LRPPRC: variants seen among roughly 807,000 people sequenced by gnomAD.
LRPPRC encodes leucine-rich PPR motif-containing protein, mitochondrial.
Under a neutral mutation model 180.3 loss-of-function variants are expected in LRPPRC, and 120 were observed. The ratio of observed to expected loss-of-function variants is 0.67; its 90% confidence interval spans 0.57 to 0.77. The LOEUF is 0.77. Among genes scored for constraint, LRPPRC ranks in the 30% least tolerant of loss-of-function variants. The probability of loss-of-function intolerance (pLI) is 0.00; values close to 1 mark genes in which losing one functional copy is unlikely to be tolerated. For synonymous variants in LRPPRC, 723 were observed against 600.0 expected (o/e 1.21, Z -3.00); for missense variants, 2,012 against 1,657.2 (o/e 1.21, Z -3.72).
intron 31 of LRPPRC, among the ~76,000 whole-genome samples, chr2:43,904,210 G>A (rs1241654983): frequency 1.6e-4 from 25 of 152,126 alleles, no homozygotes; most frequent in Non-Finnish European, 1.5e-5. Context: ...CCAAAGTGCT[G>A]GGATTACAGG....
chr2:43,924,358 A>T (rs1335492787), intron 27 of LRPPRC, among the ~76,000 whole-genome samples: 1 of 152,226 alleles, frequency 6.6e-6, no homozygotes, highest in Non-Finnish European at 1.5e-5. Flanking sequence ...AGAGATCGAA[A>T]GTTTCAGAAA....
intron 1 of LRPPRC, among the ~76,000 whole-genome samples, chr2:43,991,284 G>T (rs1379099059): frequency 6.6e-6 from 1 of 151,872 alleles, no homozygotes; most frequent in Non-Finnish European, 1.5e-5. Context: ...TGCCCGCCTC[G>T]GCCTCCCAAA....
chr2:43,972,824 C>T (rs934375888), intron 11 of LRPPRC, among the ~76,000 whole-genome samples: 1 of 152,140 alleles, frequency 6.6e-6, no homozygotes, highest in African/African-American at 2.4e-5. Context: ...ACTAACAATT[C>T]TGCATCTCAT....
chr2:43,985,242 T>C (rs756446037), intron 1 of LRPPRC, among the ~76,000 whole-genome samples: 1 of 152,182 alleles, frequency 6.6e-6, no homozygotes, highest in Non-Finnish European at 1.5e-5. Context: ...AAAATTGTAC[T>C]GAAAGAACAG....
intron 25 of LRPPRC, among the ~76,000 whole-genome samples, chr2:43,929,417 A>G (rs180994635): frequency 2.6e-4 from 39 of 152,260 alleles, no homozygotes; most frequent in African/African-American, 9.2e-4. Flanking sequence ...AAGTTTTGAT[A>G]AATGTTAACT....
chr2:43,911,470 C>T lies in LRPPRC; in HGVS notation c.3275+962G>A, dbSNP rs71420076. Among the ~76,000 whole-genome samples, 81 of 150,582 alleles carry T rather than the reference C, an allele frequency of 5.4e-4. 1 individual carries two copies. Among genetic ancestry groups the T allele is most frequent in the Non-Finnish European group, 8.6e-4 (58 of 67,742 alleles). ...GGATTCTAATATTCTAAAAGTGCTG[C>T]GGACTTAAAATTTTTTTCAGATTAT... On this transcript the variant is annotated intron_variant, in intron 30 of 37. Transcript: ENST00000260665.
In LRPPRC at chr2:43,995,801, G is replaced by A. The variant is rs2103796733; in HGVS notation, c.147C>T (p.Ala49=). The A allele has an allele frequency of 1.4e-6, 2 of 1,386,354 alleles. No homozygotes were observed. Among genetic ancestry groups the A allele is most frequent in the East Asian group, 2.9e-5 (1 of 33,920 alleles). The allele number at this position is 1,386,354 out of a possible 1,614,324, so 85.9% of individuals were successfully genotyped here. A position where few individuals can be genotyped will look rare whatever the true frequency, so the allele number is the denominator to read the frequency against. Residue 49 remains alanine (A), a splice_region_variant and synonymous_variant, in exon 1 of 38, where the codon GCC becomes GCT. Coordinates refer to ENST00000260665, the MANE Select transcript of LRPPRC (RefSeq NM_133259.4). ...YLPAARAGPV[A]GGLLSPARLY... The stretch of plus-strand genomic sequence containing the variant: ...GGAGAAAGGGCCTGGGCACTCACCC[G>A]GCCACGGGCCCGGCGCGAGCGGCGG...
At chr2:43,954,588 C>G (rs1434427791) in intron 14 of LRPPRC, among the ~76,000 whole-genome samples, 2 of 152,174 alleles carry the variant, frequency 1.3e-5, no homozygotes, top group African/African-American at 2.4e-5. Context: ...TACATACACT[C>G]TTGAAAACAG....
intron 37 of LRPPRC, 124 bp from the exon 38 acceptor site, chr2:43,888,780 C>T (rs781657194): frequency 4.9e-5 from 33 of 674,080 alleles, no homozygotes; most frequent in Non-Finnish European, 8.2e-5. Flanking sequence ...AAGATGCTGC[C>T]CCTCAAGCTT....
chr2:43,991,039 T>A (rs573312608), intron 1 of LRPPRC, among the ~76,000 whole-genome samples: 1 of 150,884 alleles, frequency 6.6e-6, no homozygotes, highest in South Asian at 2.1e-4. Flanking sequence ...TTTATTTTTT[T>A]TTTTTTTTGA....
intron 37 of LRPPRC, 74 bp from the exon 38 acceptor site, chr2:43,888,730 A>C: frequency 1.2e-6 from 1 of 817,788 alleles, no homozygotes; most frequent in East Asian, 2.5e-5. Context: ...AAAAATCATA[A>C]AACACTACCA....
At chr2:43,970,050 C>A (rs1673736212) in intron 11 of LRPPRC, among the ~76,000 whole-genome samples, 1 of 152,022 alleles carries the variant, frequency 6.6e-6, no homozygotes, top group South Asian at 2.1e-4. Context: ...AATACATAAT[C>A]CTGAAAAGTT....
At position 43,925,175 on chromosome 2, in the gene LRPPRC, G is replaced by C. The variant is rs199951523; in HGVS notation, c.2806-18C>G. 4.4e-4 allele frequency: 519 copies of C among 1,179,262 alleles called. 4 individuals carry two copies. Among genetic ancestry groups the C allele is most frequent in the South Asian group, 3.9e-3 (323 of 82,182 alleles). 73.0% of individuals were successfully genotyped at this position (1,179,262 alleles called of 1,614,324 possible). The stretch of plus-strand genomic sequence containing the variant: ...GTTTCAACCTTAAAAGTAAGATTAA[G>C]AGATAGATCTACCTTGTGTAAAGGA... On this transcript the variant is annotated intron_variant, in intron 26 of 37. Transcript: ENST00000260665.
rs866057945 is a variant in LRPPRC at position 43,960,483 on chromosome 2, C to T, written c.1582+58G>A. The T allele has an allele frequency of 1.2e-4, 108 of 938,360 alleles. No homozygotes were observed. In the Middle Eastern group the frequency reaches 4.6e-3, roughly 40 times the overall value. The allele number at this position is 938,360 out of a possible 1,614,324, so 58.1% of individuals were successfully genotyped here. A position where few individuals can be genotyped will look rare whatever the true frequency, so the allele number is the denominator to read the frequency against. ...TCATTGCGTGAACCACCCTGCATGC[C>T]CTCAATAGTAACTGAAATAAACATC... On this transcript the variant is annotated intron_variant, in intron 13 of 37. Transcript: ENST00000260665.
intron 37 of LRPPRC, 115 bp downstream of exon 37, chr2:43,889,619 T>C: frequency 1.1e-6 from 1 of 923,792 alleles, no homozygotes. Flanking sequence ...TGAGGGCTCT[T>C]CACAGAGATC....
chr2:43,958,829 C>T (rs893568370), intron 13 of LRPPRC, among the ~76,000 whole-genome samples: 4 of 152,148 alleles, frequency 2.6e-5, no homozygotes, highest in Non-Finnish European at 5.9e-5. Flanking sequence ...TAGAACGAAC[C>T]GCTCTTCAAA....
rs184405056 is a variant in LRPPRC, at chr2:43,901,851, T to G, written c.3365-327A>C. ...TCAAATGAATACAAATAAGAAAGAT[T>G]TTCTAGAGTTTCCAAAAATGTGTGA... On this transcript the variant is annotated intron_variant, in intron 31 of 37. Transcript: ENST00000260665. 401 of 246,394 alleles carry G rather than the reference T, an allele frequency of 1.6e-3. 1 individual carries two copies. The highest frequency in any genetic ancestry group is 4.4e-3 in the Middle Eastern group (3 of 678). The allele number at this position is 246,394 out of a possible 1,614,324, so 15.3% of individuals were successfully genotyped here.
chr2:43,926,997 G>C (rs1016815099), intron 25 of LRPPRC, among the ~76,000 whole-genome samples: 10 of 152,294 alleles, frequency 6.6e-5, no homozygotes, highest in African/African-American at 2.4e-4. Context: ...TGGTCAATAA[G>C]TCTGGCTTCA....
chr2:43,914,084 T>C (rs1558927552), intron 29 of LRPPRC, among the ~76,000 whole-genome samples: 1 of 152,206 alleles, frequency 6.6e-6, no homozygotes, highest in Non-Finnish European at 1.5e-5. Flanking sequence ...CAATACCCAA[T>C]GCTTTTTAGG....
Sources: gnomAD v4.1 joint callset for allele counts (sites outside exome capture counted in the v4.1 genomes callset) on GRCh38, gnomAD v4.1.1 for gene constraint, MANE v1.5 for transcripts, NCBI Gene and HGNC (gene_info 2026-07-23, HGNC 2026-07-21) for gene names.